Variants in SKAP1 observed in about 807,000 individuals in gnomAD.
SKAP1 encodes src kinase-associated phosphoprotein 1.
A neutral mutation model predicts 58.5 loss-of-function variants in SKAP1; 44 were observed. That is an observed-to-expected ratio of 0.75 (90% CI 0.59 to 0.97). The LOEUF is 0.97. SKAP1 is among the 50% of genes least tolerant of loss of function. SKAP1 has a pLI of 0.00. For missense variants in SKAP1, 390 were observed against 435.2 expected (o/e 0.90, Z 0.92); for synonymous variants, 127 against 149.7 (o/e 0.85, Z 1.11).
upstream of SKAP1, among the ~76,000 whole-genome samples, chr17:48,430,843 A>G (rs2067909595): frequency 6.6e-6 from 1 of 152,180 alleles, no homozygotes; most frequent in Non-Finnish European, 1.5e-5. Context: ...AAGCTGAGGG[A>G]GAGGAGAACA....
intron 4 of SKAP1, among the ~76,000 whole-genome samples, chr17:48,191,978 A>G (rs2064551904): frequency 6.6e-6 from 1 of 152,150 alleles, no homozygotes; most frequent in South Asian, 2.1e-4. Context: ...TGGGGTGAGG[A>G]CCAGTTACAG....
chr17:48,215,794 G>T (rs1271831913), intron 4 of SKAP1, among the ~76,000 whole-genome samples: 6 of 152,104 alleles, frequency 3.9e-5, no homozygotes. Context: ...TGAGATCAGG[G>T]TTTAGATAGA....
chr17:48,234,813 A>G (rs904044316), intron 4 of SKAP1, among the ~76,000 whole-genome samples: 23 of 152,232 alleles, frequency 1.5e-4, no homozygotes, highest in African/African-American at 5.5e-4. Flanking sequence ...CAAAATGAAT[A>G]AAGGAGATTT....
chr17:48,204,728 G>A (rs574340741), intron 4 of SKAP1, among the ~76,000 whole-genome samples: 1 of 152,124 alleles, frequency 6.6e-6, no homozygotes, highest in Admixed American at 6.5e-5. Context: ...GGGATGTTTA[G>A]CCCCAGACAT....
At chr17:48,434,256 G>T (rs1376544505), upstream of SKAP1, among the ~76,000 whole-genome samples, 1 of 152,214 alleles carries the variant, frequency 6.6e-6, no homozygotes, top group African/African-American at 2.4e-5. Flanking sequence ...AAGGAGAGAT[G>T]ATGCATCCTG....
intron 4 of SKAP1, among the ~76,000 whole-genome samples, chr17:48,274,226 C>A (rs1308681159): frequency 6.6e-6 from 1 of 152,008 alleles, no homozygotes; most frequent in African/African-American, 2.4e-5. Flanking sequence ...GAAACCCTGT[C>A]TCTATTAAAA....
chr17:48,180,087 TCTC>T lies in SKAP1; in HGVS notation c.790_792del (p.Glu264del). 6.3e-7 allele frequency: 1 copy of T among 1,599,346 alleles called. No individual in the cohort carries two copies. Among genetic ancestry groups the T allele is most frequent in the Non-Finnish European group, 8.5e-7 (1 of 1,175,212 alleles). ...ACTTCATAAATATCTTCTTCTTCTT[TCTC>T]CTCTGTAGGCTCTTTTATCCCCACA... On this transcript the variant is annotated inframe_deletion, in exon 9 of 13. Transcript: ENST00000336915.
intron 2 of SKAP1, among the ~76,000 whole-genome samples, chr17:48,374,791 G>GT (rs1251304837): frequency 6.6e-6 from 1 of 152,236 alleles, no homozygotes; most frequent in African/African-American, 2.4e-5. Flanking sequence ...GTGGCAAAGA[G>GT]TAACATGGCC....
intron 4 of SKAP1, among the ~76,000 whole-genome samples, chr17:48,267,332 C>A (rs2065564721): frequency 1.3e-5 from 2 of 152,132 alleles, no homozygotes; most frequent in Admixed American, 6.5e-5. Context: ...ACTTTGTTCT[C>A]ACAATCAAAA....
intron 4 of SKAP1, among the ~76,000 whole-genome samples, chr17:48,255,774 C>T (rs1054319302): frequency 6.6e-6 from 1 of 152,020 alleles, no homozygotes; most frequent in Non-Finnish European, 1.5e-5. Flanking sequence ...CATAATTTTT[C>T]CTTCGAAGAG....
chr17:48,170,552 C>T (rs1598391551), intron 10 of SKAP1, 57 bp downstream of exon 10: 1 of 1,439,858 alleles, frequency 6.9e-7, no homozygotes, highest in East Asian at 2.3e-5. Flanking sequence ...GGTGCTTTCT[C>T]TAATCAGAAG....
chr17:48,327,948 A>T (rs2066459379), intron 4 of SKAP1, among the ~76,000 whole-genome samples: 1 of 152,132 alleles, frequency 6.6e-6, no homozygotes, highest in Non-Finnish European at 1.5e-5. Context: ...CTGTTTCTTA[A>T]TCAGAAAAAT....
intron 4 of SKAP1, among the ~76,000 whole-genome samples, chr17:48,194,650 G>A (rs2064599733): frequency 1.3e-5 from 2 of 152,208 alleles, no homozygotes; most frequent in Non-Finnish European, 2.9e-5. Flanking sequence ...TAGGCAGCTG[G>A]CTTGGTCTCT....
intron 4 of SKAP1, among the ~76,000 whole-genome samples, chr17:48,321,212 G>C (rs924429558): frequency 7.2e-5 from 11 of 151,988 alleles, no homozygotes; most frequent in African/African-American, 2.7e-4. Flanking sequence ...AAATCATTTG[G>C]GCCAATTCCC....
intron 4 of SKAP1, among the ~76,000 whole-genome samples, chr17:48,230,639 T>C (rs1390226901): frequency 6.6e-6 from 1 of 151,902 alleles, no homozygotes; most frequent in African/African-American, 2.4e-5. Flanking sequence ...GCCTGTAGTC[T>C]CATCTACTTG....
chr17:48,361,892 C>G (rs1420412253), intron 3 of SKAP1, among the ~76,000 whole-genome samples: 1 of 152,122 alleles, frequency 6.6e-6, no homozygotes, highest in Non-Finnish European at 1.5e-5. Context: ...CTCCTCCTAC[C>G]CATCCCACCA....
chr17:48,419,897 A>AAG (rs2067775068), intron 1 of SKAP1, among the ~76,000 whole-genome samples: 2 of 152,342 alleles, frequency 1.3e-5, no homozygotes, highest in Admixed American at 1.3e-4. Context: ...TGATTTTATT[A>AAG]GAGTCAGCAG....
chr17:48,237,061 A>C (rs1167892480), intron 4 of SKAP1, among the ~76,000 whole-genome samples: 1 of 152,226 alleles, frequency 6.6e-6, no homozygotes, highest in African/African-American at 2.4e-5. Context: ...CTATTAGGTC[A>C]TGAAGTTGGA....
At chr17:48,193,826 T>A (rs547167834) in intron 4 of SKAP1, 1 of 685,152 alleles carries the variant, frequency 1.5e-6, no homozygotes, top group East Asian at 1.3e-4. Flanking sequence ...ATAGAAAGTA[T>A]GTAAAATATG....
Sources: gnomAD v4.1 joint callset for allele counts (sites outside exome capture counted in the v4.1 genomes callset) on GRCh38, gnomAD v4.1.1 for gene constraint, MANE v1.5 for transcripts, NCBI Gene and HGNC (gene_info 2026-07-23, HGNC 2026-07-21) for gene names.